The following SLC8A1 variants were observed in gnomAD, a reference collection of about 807,000 sequenced individuals.
The protein encoded by SLC8A1 is sodium/calcium exchanger 1.
SLC8A1 carries 18 observed loss-of-function variants against 68.3 expected under a neutral mutation model. The ratio of observed to expected loss-of-function variants is 0.26; its 90% CI spans 0.18 to 0.39. The LOEUF is 0.39. Ranked by LOEUF, SLC8A1 falls within the 10% of genes least tolerant of loss-of-function variation. The probability of loss-of-function intolerance (pLI) is 1.00; values close to 1 mark genes in which losing one functional copy is unlikely to be tolerated. For synonymous variants in SLC8A1, 475 were observed against 415.5 expected, an observed-to-expected ratio of 1.14 and a Z score of -1.74; for missense variants, 985 against 1,156.7, an observed-to-expected ratio of 0.85 and a Z score of 2.15.
intron 6 of SLC8A1, among the ~76,000 whole-genome samples, chr2:40,152,533 C>A (rs561014556): frequency 4.0e-5 from 6 of 151,222 alleles, no homozygotes; most frequent in Non-Finnish European, 8.8e-5. Flanking sequence ...GCCTCCCTAG[C>A]GGCTGGGATT....
intron 2 of SLC8A1, among the ~76,000 whole-genome samples, chr2:40,302,074 T>TGTGTGTGTGTGTGTGTGTG: frequency 1.6e-4 from 23 of 147,904 alleles, no homozygotes; most frequent in South Asian, 2.2e-4. Flanking sequence ...TGTGTGTGTG[T>TGTGTGTGTGTGTGTGTGTG]TTAGTAGAGA....
intron 2 of SLC8A1, among the ~76,000 whole-genome samples, chr2:40,406,101 T>C (rs977161004): frequency 2.0e-5 from 3 of 152,194 alleles, no homozygotes; most frequent in African/African-American, 7.2e-5. Flanking sequence ...TTGGATTCAT[T>C]TGTTGTCAGT....
At chr2:40,341,331 A>G (rs941510697) in intron 2 of SLC8A1, among the ~76,000 whole-genome samples, 1 of 152,212 alleles carries the variant, frequency 6.6e-6, no homozygotes, top group African/African-American at 2.4e-5. Flanking sequence ...AATAAAGCAA[A>G]TGGTAGTGGC....
intron 6 of SLC8A1, among the ~76,000 whole-genome samples, chr2:40,146,746 A>G (rs774024111): frequency 6.6e-6 from 1 of 152,108 alleles, no homozygotes; most frequent in Admixed American, 6.6e-5. Context: ...CAAGTTTGCT[A>G]TATATTTGTA....
chr2:40,126,709 A>G (rs1169422300), intron 7 of SLC8A1, among the ~76,000 whole-genome samples: 1 of 151,684 alleles, frequency 6.6e-6, no homozygotes, highest in East Asian at 1.9e-4. Flanking sequence ...CTATTAAAAT[A>G]CCCCCTCCCC....
chr2:40,178,349 A>G, intron 2 of SLC8A1, 38 bp downstream of exon 3: 1 of 1,526,318 alleles, frequency 6.6e-7, no homozygotes, highest in Non-Finnish European at 9.1e-7. Flanking sequence ...ACAGGCCAGC[A>G]GAAGCTGTTG....
intron 2 of SLC8A1, among the ~76,000 whole-genome samples, chr2:40,284,935 C>T (rs139906857): frequency 1.3e-5 from 2 of 152,086 alleles, no homozygotes; most frequent in Admixed American, 6.6e-5. Flanking sequence ...TCTGAGCAGG[C>T]ACTCTCATGC....
chr2:40,267,600 C>T (rs2065509235), intron 2 of SLC8A1, among the ~76,000 whole-genome samples: 1 of 152,110 alleles, frequency 6.6e-6, no homozygotes, highest in African/African-American at 2.4e-5. Context: ...AATTGCCATG[C>T]CTGGTATGCA....
chr2:40,468,615 A>G (rs1703829068), intron 1 of SLC8A1, among the ~76,000 whole-genome samples: 1 of 152,164 alleles, frequency 6.6e-6, no homozygotes, highest in Non-Finnish European at 1.5e-5. Context: ...CTATGTTTAA[A>G]TACTTTTTTC....
At chr2:40,180,780 A>G (rs973438092) in intron 2 of SLC8A1, among the ~76,000 whole-genome samples, 4 of 152,220 alleles carry the variant, frequency 2.6e-5, no homozygotes, top group African/African-American at 9.6e-5. Flanking sequence ...TTATAGAAGT[A>G]AAGCACAGTG....
rs138884056 is a variant in SLC8A1 at position 40,331,387 on chromosome 2, T to C, written c.1808+97086A>G. Among the ~76,000 whole-genome samples, 1,003 of 152,248 alleles carry C rather than the reference T, an allele frequency of 6.6e-3. 10 individuals are homozygous for C. The highest frequency in any genetic ancestry group is 0.023 in the African/African-American group (952 of 41,544). On this transcript the variant is annotated intron_variant, in intron 2 of 7. Coordinates refer to ENST00000406785, the Ensembl canonical transcript of SLC8A1. Reference sequence around the variant, plus strand: ...AAACACACACACATAATGCCTACTATATTTGGTACTTGTCTGTATTCACTT... The same window carrying C: ...AAACACACACACATAATGCCTACTACATTTGGTACTTGTCTGTATTCACTT...
At chr2:40,152,820 G>A (rs2043702844) in intron 6 of SLC8A1, among the ~76,000 whole-genome samples, 1 of 152,018 alleles carries the variant, frequency 6.6e-6, no homozygotes, top group Non-Finnish European at 1.5e-5. Flanking sequence ...ACAGAAGCCA[G>A]GCATGGTGGT....
rs111496234 is a variant in SLC8A1, at chr2:40,334,070, C to G, written c.1808+94403G>C. On this transcript the variant is annotated intron_variant, in intron 2 of 7. Coordinates refer to ENST00000406785, the Ensembl canonical transcript of SLC8A1. ...CTCAAAAACAACAACAACAAAAAAA[C>G]AATCAATATGCATTATCATGTATAT... Among the ~76,000 whole-genome samples the G allele has an allele frequency of 4.0e-3, 616 of 152,234 alleles. 2 individuals are homozygous for G. Among genetic ancestry groups the G allele is most frequent in the African/African-American group, 0.014 (581 of 41,544 alleles).
At chr2:40,461,876 A>T (rs1337749255) in intron 1 of SLC8A1, among the ~76,000 whole-genome samples, 1 of 152,100 alleles carries the variant, frequency 6.6e-6, no homozygotes, top group Non-Finnish European at 1.5e-5. Context: ...AACACTATAC[A>T]TTCATCGTTA....
intron 1 of SLC8A1, among the ~76,000 whole-genome samples, chr2:40,497,891 C>A (rs927506176): frequency 6.6e-6 from 1 of 151,908 alleles, no homozygotes; most frequent in African/African-American, 2.4e-5. Context: ...ACTTTGGCAA[C>A]AACGTGGGGA....
At chr2:40,326,680 T>C (rs1425950431) in intron 2 of SLC8A1, among the ~76,000 whole-genome samples, 1 of 152,190 alleles carries the variant, frequency 6.6e-6, no homozygotes, top group Non-Finnish European at 1.5e-5. Flanking sequence ...CTGGTACTGA[T>C]CAATGGTTAT....
chr2:40,334,690 G>A (rs1027573709), intron 2 of SLC8A1, among the ~76,000 whole-genome samples: 5 of 152,190 alleles, frequency 3.3e-5, no homozygotes, highest in Admixed American at 2.0e-4. Flanking sequence ...TGAGGGTTAC[G>A]CACTAATGGC....
At chr2:40,232,868 G>A (rs559219265) in intron 2 of SLC8A1, among the ~76,000 whole-genome samples, 22 of 145,224 alleles carry the variant, frequency 1.5e-4, no homozygotes, top group East Asian at 1.4e-3. Context: ...TTGTTCTTGC[G>A]ATAGTTTACT....
chr2:40,289,240 T>A (rs1023152034), intron 2 of SLC8A1, among the ~76,000 whole-genome samples: 4 of 152,140 alleles, frequency 2.6e-5, no homozygotes, highest in Non-Finnish European at 5.9e-5. Context: ...AAAAATAAGT[T>A]ACTTTGACAG....
Sources: allele counts gnomAD v4.1 joint callset (sites outside exome capture counted in the v4.1 genomes callset), GRCh38; gene constraint gnomAD v4.1.1; transcripts MANE v1.5; gene names NCBI Gene and HGNC (gene_info 2026-07-23, HGNC 2026-07-21).